The following CLIP1 variants were observed in gnomAD, a reference collection of about 807,000 sequenced individuals.
The protein encoded by CLIP1 is CAP-Gly domain containing linker protein 1.
Under a neutral mutation model 161.6 loss-of-function variants are expected in CLIP1, and 66 were observed. The ratio of observed to expected loss-of-function variants is 0.41; its 90% CI spans 0.33 to 0.50. CLIP1 has a LOEUF of 0.50. CLIP1 is among the 20% of genes least tolerant of loss of function. The probability of loss-of-function intolerance (pLI) is 0.27; values close to 1 mark genes in which losing one functional copy is unlikely to be tolerated. For missense variants in CLIP1, 1,376 were observed against 1,702.0 expected (o/e 0.81, Z 3.37); for synonymous variants, 598 against 626.2 (o/e 0.96, Z 0.67).
chr12:122,414,507 C>G (rs182345997), intron 1 of CLIP1, among the ~76,000 whole-genome samples: 2 of 151,804 alleles, frequency 1.3e-5, no homozygotes, highest in Admixed American at 1.3e-4. Context: ...TCTTTTTGCC[C>G]AGGCTGGAGT....
At chr12:122,282,406 G>C (rs926050894) in intron 21 of CLIP1, among the ~76,000 whole-genome samples, 15 of 152,116 alleles carry the variant, frequency 9.9e-5, no homozygotes, top group African/African-American at 3.6e-4. Flanking sequence ...AGAAGGGATA[G>C]AGGGAACAGA....
intron 1 of CLIP1, among the ~76,000 whole-genome samples, chr12:122,419,546 GT>G (rs1349863292): frequency 4.0e-5 from 6 of 151,860 alleles, no homozygotes; most frequent in Non-Finnish European, 8.8e-5. Flanking sequence ...TATGTGAAAG[GT>G]TCAAAGGTGC....
At chr12:122,407,751 A>AAAT (rs1956380757) in intron 1 of CLIP1, among the ~76,000 whole-genome samples, 1 of 146,974 alleles carries the variant, frequency 6.8e-6, no homozygotes, top group Non-Finnish European at 1.5e-5. Flanking sequence ...CCTGTCTCAA[A>AAAT]AAAAAAAAAA....
rs759555053 is a variant in CLIP1 at position 122,354,514 on chromosome 12, T to G, written c.1246A>C (p.Met416Leu). 1.2e-6 allele frequency: 2 copies of G among 1,613,836 alleles called. No homozygotes were observed. The highest frequency in any genetic ancestry group is 3.3e-5 in the Admixed American group (2 of 60,018). ...TTCTCCCTGTCAGCAGCTTCCACCA[T>G]TGTTCGCAGCTGGTCCATTTTGGCT... ...LEAKMDQLRT[M>L]VEAADREKVE... Residue 416 changes from methionine (M) to leucine (L), a missense_variant, in exon 7 of 26, where the codon ATG becomes CTG. By Grantham distance (15) the Met-to-Leu change is conservative. Transcript: ENST00000620786.
intron 1 of CLIP1, among the ~76,000 whole-genome samples, chr12:122,413,523 A>G (rs1369054308): frequency 6.6e-6 from 1 of 152,200 alleles, no homozygotes; most frequent in Non-Finnish European, 1.5e-5. Flanking sequence ...ATACTTAGAC[A>G]TAAGTAAGCA....
intron 24 of CLIP1, chr12:122,277,360 T>G (rs1955472173): frequency 6.6e-6 from 1 of 151,590 alleles, no homozygotes; most frequent in South Asian, 2.1e-4. Flanking sequence ...TTGTTTTTTT[T>G]TTTTTGTAGA....
At position 122,341,288 on chromosome 12, in the gene CLIP1, T is replaced by G. The variant is rs747395822; in HGVS notation, c.1916A>C (p.Glu639Ala). The change falls in exon 11 of 26, where the codon GAA becomes GCA. Residue 639 changes from glutamate (E) to alanine (A), a missense_variant. By Grantham distance (107) the Glu-to-Ala change is moderately radical (BLOSUM62 -1). This residue lies in a region of CLIP1 where 948 missense variants were observed against 1,134.8 expected (regional missense o/e 0.84). Coordinates refer to ENST00000620786, the MANE Select transcript of CLIP1 (RefSeq NM_001247997.2). ...TTTGCTGAAAGATACCTTCAGTTCT[T>G]CCATCGCCTGCTGGTGGGATGCGAT... is the stretch of plus-strand genomic sequence containing the variant. ...TAIASHQQAM[E>A]ELKVSFSKGL... The G allele has an allele frequency of 7.4e-6, 12 of 1,613,884 alleles. No homozygotes were observed. Among genetic ancestry groups the G allele is most frequent in the Admixed American group, 1.7e-5 (1 of 59,998 alleles).
intron 20 of CLIP1, among the ~76,000 whole-genome samples, chr12:122,294,032 C>A (rs1049559532): frequency 6.6e-6 from 1 of 151,688 alleles, no homozygotes; most frequent in South Asian, 2.1e-4. Flanking sequence ...GGCCTCTTCA[C>A]GAATTCAAAA....
chr12:122,422,749 C>G (rs1375735870), upstream of CLIP1: 4 of 137,984 alleles, frequency 2.9e-5, no homozygotes, highest in Non-Finnish European at 6.4e-5. Context: ...CCCGGCCCCT[C>G]GAGTCCGCAC....
In CLIP1 at chr12:122,272,960, C is replaced by T. The variant is rs768633365; in HGVS notation, c.4232G>A (p.Ser1411Asn). 6 of 1,614,044 alleles carry T rather than the reference C, an allele frequency of 3.7e-6. No homozygotes were observed. Among genetic ancestry groups the T allele is most frequent in the African/African-American group, 1.3e-5 (1 of 74,928 alleles). Residue 1411 changes from serine to asparagine, a missense_variant, in exon 26 of 26, where the codon AGT becomes AAT. Coordinates refer to ENST00000620786, the MANE Select transcript of CLIP1 (RefSeq NM_001247997.2). ...EDPPHSTHHG[S>N]RGEERPYCEI... ...ACAGTATGGGCGTTCCTCACCCCGACTGCCATGGTGTGTGGAATGGGGAGG... is the reference window on the plus strand; with the variant it reads ...ACAGTATGGGCGTTCCTCACCCCGATTGCCATGGTGTGTGGAATGGGGAGG...
intron 5 of CLIP1, among the ~76,000 whole-genome samples, chr12:122,357,145 G>T (rs1209474141): frequency 4.0e-5 from 6 of 150,642 alleles, no homozygotes; most frequent in African/African-American, 7.3e-5. Flanking sequence ...ATCTCATCTA[G>T]AAGTGAGGAG....
At chr12:122,308,852 C>T (rs1950970165) in intron 20 of CLIP1, among the ~76,000 whole-genome samples, 1 of 152,188 alleles carries the variant, frequency 6.6e-6, no homozygotes, top group Non-Finnish European at 1.5e-5. Context: ...CCAAAAAGTG[C>T]TTTCACCACA....
chr12:122,308,793 T>C (rs966755710), intron 20 of CLIP1, among the ~76,000 whole-genome samples: 1 of 152,182 alleles, frequency 6.6e-6, no homozygotes, highest in African/African-American at 2.4e-5. Flanking sequence ...GATGTGGCAT[T>C]TCTTCCACAA....
chr12:122,369,472 G>A (rs1593181204), intron 3 of CLIP1, among the ~76,000 whole-genome samples: 1 of 151,748 alleles, frequency 6.6e-6, no homozygotes, highest in African/African-American at 2.4e-5. Context: ...GGTATAAAGT[G>A]ACGACTGTAT....
At chr12:122,297,828 G>A (rs1016200277) in intron 20 of CLIP1, among the ~76,000 whole-genome samples, 2 of 152,326 alleles carry the variant, frequency 1.3e-5, no homozygotes, top group Middle Eastern at 3.4e-3. Context: ...TTTTCTAGGC[G>A]AGCCGTGTTG....
intron 11 of CLIP1, among the ~76,000 whole-genome samples, chr12:122,340,543 C>T (rs564471926): frequency 6.6e-6 from 1 of 152,284 alleles, no homozygotes; most frequent in South Asian, 2.1e-4. Context: ...AAAATAAATT[C>T]ACATGGTTGA....
At chr12:122,336,401 G>T (rs918557321) in intron 12 of CLIP1, among the ~76,000 whole-genome samples, 2 of 124,994 alleles carry the variant, frequency 1.6e-5, no homozygotes, top group Admixed American at 1.8e-4. Context: ...TACCAAAGGC[G>T]AAGGGATAGA....
intron 17 of CLIP1, among the ~76,000 whole-genome samples, chr12:122,327,576 A>G (rs1951755741): frequency 6.6e-6 from 1 of 151,866 alleles, no homozygotes; most frequent in South Asian, 2.1e-4. Flanking sequence ...TTATCGCAAC[A>G]TCTCTCCAAA....
At chr12:122,284,291 G>T (rs1229170946) in intron 21 of CLIP1, among the ~76,000 whole-genome samples, 2 of 151,356 alleles carry the variant, frequency 1.3e-5, no homozygotes, top group East Asian at 3.9e-4. Flanking sequence ...TAAACATTGA[G>T]GACATAAAAC....
Sources: gnomAD v4.1 joint callset for allele counts (sites outside exome capture counted in the v4.1 genomes callset) on GRCh38, gnomAD v4.1.1 for gene constraint, gnomAD v4.1.1 regional missense constraint, MANE v1.5 for transcripts, NCBI Gene and HGNC (gene_info 2026-07-23, HGNC 2026-07-21) for gene names.